The following DDHD1 variants were observed in gnomAD, a reference collection of about 807,000 sequenced individuals.
DDHD1 encodes the protein phospholipase DDHD1.
Under a neutral mutation model 96.4 loss-of-function variants are expected in DDHD1, and 49 were observed. That is an observed-to-expected ratio of 0.51 (90% CI 0.40 to 0.64). The LOEUF is 0.64. Ranked by LOEUF, DDHD1 falls within the 30% of genes least tolerant of loss-of-function variation. The probability of loss-of-function intolerance (pLI) is 0.00; values close to 1 mark genes in which losing one functional copy is unlikely to be tolerated. For missense variants in DDHD1, 1,106 were observed against 1,161.2 expected (o/e 0.95, Z 0.69); for synonymous variants, 442 against 446.5 (o/e 0.99, Z 0.13).
intron 1 of DDHD1, among the ~76,000 whole-genome samples, chr14:53,113,390 CAAAAAAAA>C (rs60704615): frequency 6.8e-5 from 8 of 118,260 alleles, no homozygotes; most frequent in African/African-American, 3.1e-4. Flanking sequence ...CTGTACAAGC[CAAAAAAAA>C]AAAAAAAAAA....
intron 4 of DDHD1, among the ~76,000 whole-genome samples, chr14:53,089,966 T>A (rs1169080279): frequency 6.6e-6 from 1 of 152,194 alleles, no homozygotes; most frequent in African/African-American, 2.4e-5. Context: ...ATTTTTGCTA[T>A]CTACCCATTT....
intron 4 of DDHD1, among the ~76,000 whole-genome samples, chr14:53,084,701 C>T (rs1885779226): frequency 6.6e-6 from 1 of 152,180 alleles, no homozygotes; most frequent in African/African-American, 2.4e-5. Context: ...CAGCTCCCAG[C>T]TTGATCGATG....
At chr14:53,117,773 C>A (rs144587340) in intron 1 of DDHD1, among the ~76,000 whole-genome samples, 1 of 152,284 alleles carries the variant, frequency 6.6e-6, no homozygotes, top group Admixed American at 6.5e-5. Flanking sequence ...ACTTAAACAT[C>A]CCTGGCTGAC....
chr14:53,063,172 A>G lies in DDHD1; in HGVS notation c.1537T>C (p.Leu513=), dbSNP rs1883744057. 3.1e-6 allele frequency: 5 copies of G among 1,613,778 alleles called. No homozygotes were observed. Among genetic ancestry groups the G allele is most frequent in the Admixed American group, 1.7e-5 (1 of 60,012 alleles). Residue 513 remains leucine (L), a synonymous_variant, in exon 7 of 13, where the codon TTG becomes CTG. Transcript: ENST00000673822. ...VKGLQQELNR[L]YSLFCSRNPD... Reference sequence around the variant, plus strand: ...TTCCGAGAACAGAAAAGGGAATACAATCGATTCAGCTCTTGCTGAAGGCCT... The same window carrying G: ...TTCCGAGAACAGAAAAGGGAATACAGTCGATTCAGCTCTTGCTGAAGGCCT...
At position 53,151,376 on chromosome 14, in the gene DDHD1, A is replaced by G. The variant is rs150743234; in HGVS notation, c.838+885T>C. ...TGTGACTATTGAATATCTCCTATAT[A>G]TTACATACGTAATATTTGCTGCATG... On this transcript the variant is annotated intron_variant, in intron 1 of 12. Transcript: ENST00000673822. Among the ~76,000 whole-genome samples, 176 of 152,350 alleles carry G rather than the reference A, an allele frequency of 1.2e-3. 1 individual carries two copies. The highest frequency in any genetic ancestry group is 4.1e-3 in the African/African-American group (171 of 41,578).
intron 4 of DDHD1, among the ~76,000 whole-genome samples, chr14:53,078,827 T>G (rs1566544436): frequency 2.0e-5 from 3 of 152,232 alleles, no homozygotes; most frequent in Non-Finnish European, 2.9e-5. Context: ...AAAGAATAAG[T>G]TTAGCCACAG....
At chr14:53,050,988 T>C (rs1882498787) in intron 12 of DDHD1, among the ~76,000 whole-genome samples, 1 of 151,120 alleles carries the variant, frequency 6.6e-6, no homozygotes, top group African/African-American at 2.4e-5. Context: ...AGACAGCACT[T>C]ATGTAAGATA....
intron 6 of DDHD1, among the ~76,000 whole-genome samples, chr14:53,070,387 T>G (rs1254640753): frequency 2.0e-5 from 3 of 152,176 alleles, no homozygotes; most frequent in African/African-American, 7.2e-5. Context: ...ATCTGTCTCT[T>G]CTCTTCCTGT....
intron 1 of DDHD1, among the ~76,000 whole-genome samples, chr14:53,113,620 C>T (rs113044391): frequency 0.02 from 3,050 of 151,876 alleles, 114 homozygotes; most frequent in African/African-American, 0.071. Context: ...ACTTCCACTT[C>T]ACCTGGGAAG....
intron 1 of DDHD1, among the ~76,000 whole-genome samples, chr14:53,118,246 C>T (rs888398890): frequency 7.2e-5 from 11 of 152,114 alleles, no homozygotes; most frequent in Non-Finnish European, 1.6e-4. Context: ...AAAAACAGAG[C>T]GCCTCTTCTC....
At chr14:53,097,205 G>A (rs1344972762) in intron 2 of DDHD1, among the ~76,000 whole-genome samples, 2 of 151,974 alleles carry the variant, frequency 1.3e-5, no homozygotes, top group East Asian at 3.9e-4. Flanking sequence ...GTTAAATACT[G>A]CTCAAATACA....
intron 1 of DDHD1, among the ~76,000 whole-genome samples, chr14:53,123,565 T>C (rs904888759): frequency 6.6e-6 from 1 of 152,232 alleles, no homozygotes; most frequent in Non-Finnish European, 1.5e-5. Context: ...AATACTACTA[T>C]GCACAGTAAA....
intron 1 of DDHD1, among the ~76,000 whole-genome samples, chr14:53,110,976 C>T (rs570553742): frequency 1.7e-4 from 26 of 151,944 alleles, no homozygotes; most frequent in African/African-American, 5.8e-4. Flanking sequence ...AGCGAGAGTC[C>T]GTCTCAAAAA....
In DDHD1 at chr14:53,046,616, T is replaced by C. The variant is rs1690401886; in HGVS notation, c.*152A>G. On this transcript the variant is annotated 3_prime_UTR_variant, in exon 13 of 13. Transcript: ENST00000673822. The stretch of plus-strand genomic sequence containing the variant: ...TTCTTCAGAACTGAAAACTTCTTTT[T>C]TTTTTAAATAAAGTGCTTTTAAATT... 3 of 482,582 alleles carry C rather than the reference T, an allele frequency of 6.2e-6. No individual in the cohort carries two copies. The highest frequency in any genetic ancestry group is 4.2e-5 in the Admixed American group (1 of 23,538). 29.9% of individuals were successfully genotyped at this position (482,582 alleles called of 1,614,324 possible). A position where few individuals can be genotyped will look rare whatever the true frequency, so the allele number is the denominator to read the frequency against.
intron 1 of DDHD1, among the ~76,000 whole-genome samples, chr14:53,136,492 A>T (rs961324072): frequency 6.6e-5 from 10 of 152,220 alleles, no homozygotes; most frequent in African/African-American, 2.4e-4. Context: ...CTGTAGAAAG[A>T]CAGTGCCAAA....
chr14:53,063,483 TA>T lies in DDHD1; in HGVS notation c.1504-279del, dbSNP rs77248171. Among the ~76,000 whole-genome samples, 509 of 139,318 alleles carry T rather than the reference TA, an allele frequency of 3.7e-3. 1 individual carries two copies. The highest frequency in any genetic ancestry group is 3.6e-3 in the Middle Eastern group (1 of 276). The allele number at this position is 139,318 out of a possible 152,430, so 91.4% of individuals were successfully genotyped here. ...TGTATAAGCCAGCAGTTCCATAGAT[TA>T]AAAAAAAAAAAAACCAAAGTTCTAT... is the stretch of plus-strand genomic sequence containing the variant. On this transcript the variant is annotated intron_variant, in intron 6 of 12. Coordinates refer to ENST00000673822, the MANE Select transcript of DDHD1 (RefSeq NM_001160148.2).
chr14:53,080,685 T>C (rs532509453), intron 4 of DDHD1, among the ~76,000 whole-genome samples: 1 of 151,290 alleles, frequency 6.6e-6, no homozygotes, highest in Non-Finnish European at 1.5e-5. Context: ...AAATCCCTAA[T>C]ACTTGTATAA....
intron 1 of DDHD1, among the ~76,000 whole-genome samples, chr14:53,108,106 G>A (rs953256405): frequency 6.6e-6 from 1 of 152,012 alleles, no homozygotes; most frequent in Non-Finnish European, 1.5e-5. Context: ...GTTACGGCTC[G>A]AGCTGAGCTT....
chr14:53,146,597 T>A lies in DDHD1; in HGVS notation c.838+5664A>T, dbSNP rs561250049. Among the ~76,000 whole-genome samples, 8 of 152,334 alleles carry A rather than the reference T, an allele frequency of 5.3e-5. No individual in the cohort carries two copies. The East Asian group carries it at 1.5e-3, about 29-fold the overall frequency. ...ATATAATTACTTTTACACAATCATA[T>A]CAATTTTGCTACTGTTTTTCTTCAG... On this transcript the variant is annotated intron_variant, in intron 1 of 12. Coordinates refer to ENST00000673822, the MANE Select transcript of DDHD1 (RefSeq NM_001160148.2).
Sources: allele counts gnomAD v4.1 joint callset (sites outside exome capture counted in the v4.1 genomes callset), GRCh38; gene constraint gnomAD v4.1.1; transcripts MANE v1.5; gene names NCBI Gene and HGNC (gene_info 2026-07-23, HGNC 2026-07-21).